Variants in ANGPT1 observed in about 807,000 individuals in gnomAD.
ANGPT1 encodes angiopoietin 1, also known as angiopoietin-1.
ANGPT1 carries 17 observed loss-of-function variants against 62.2 expected under a neutral mutation model. The ratio of observed to expected loss-of-function variants is 0.27; its 90% CI spans 0.19 to 0.41. The LOEUF (loss-of-function observed/expected upper bound fraction) is 0.41. Ranked by LOEUF, ANGPT1 falls within the 10% of genes least tolerant of loss-of-function variation. The pLI, the probability that ANGPT1 is intolerant of heterozygous loss-of-function variation, is 1.00. For synonymous variants in ANGPT1, 199 were observed against 198.9 expected (o/e 1.00, Z 0.00); for missense variants, 478 against 594.9 (o/e 0.80, Z 2.04).
intron 1 of ANGPT1, among the ~76,000 whole-genome samples, chr8:107,435,607 A>G (rs1346593175): frequency 6.6e-6 from 1 of 152,194 alleles, no homozygotes; most frequent in African/African-American, 2.4e-5. Flanking sequence ...TAATTTTCTT[A>G]CTCCTACAGA....
At chr8:107,425,511 G>T (rs1046457839) in intron 1 of ANGPT1, among the ~76,000 whole-genome samples, 3 of 152,004 alleles carry the variant, frequency 2.0e-5, no homozygotes, top group African/African-American at 7.3e-5. Flanking sequence ...CTATCTTCCC[G>T]GCATGCTTAT....
rs1007139473 is a variant in ANGPT1, at chr8:107,374,988, T to C, written c.298-27891A>G. Among the ~76,000 whole-genome samples the C allele has an allele frequency of 2.0e-4, 30 of 152,034 alleles. 1 individual carries two copies. Among genetic ancestry groups the C allele is most frequent in the Non-Finnish European group, 4.4e-5 (3 of 67,998 alleles). On this transcript the variant is annotated intron_variant, in intron 1 of 8. Transcript: ENST00000517746. ...CAGCCTGGCCAACATGGTGAAACCC[T>C]GTCTCTACTAAAAATACAAAAATCA...
chr8:107,338,548 TAGTA>T (rs1815624656), intron 2 of ANGPT1, among the ~76,000 whole-genome samples: 1 of 152,210 alleles, frequency 6.6e-6, no homozygotes, highest in Non-Finnish European at 1.5e-5. Flanking sequence ...ATACAGTCAT[TAGTA>T]AGGATCTGAA....
intron 4 of ANGPT1, 61 bp downstream of exon 4, chr8:107,321,835 T>C: frequency 6.9e-6 from 10 of 1,439,928 alleles, no homozygotes; most frequent in South Asian, 1.2e-5. Flanking sequence ...CTATATTGAG[T>C]ATTTACTTGA....
At chr8:107,453,001 A>G (rs764090766) in intron 1 of ANGPT1, among the ~76,000 whole-genome samples, 1 of 152,064 alleles carries the variant, frequency 6.6e-6, no homozygotes, top group Non-Finnish European at 1.5e-5. Context: ...GCACGGGGAA[A>G]ATTCACTATA....
At chr8:107,313,444 T>TG (rs1814930272) in intron 4 of ANGPT1, among the ~76,000 whole-genome samples, 1 of 128,318 alleles carries the variant, frequency 7.8e-6, no homozygotes, top group Non-Finnish European at 1.6e-5. Flanking sequence ...TTTTTTTTTT[T>TG]TTTTTTTTTT....
intron 5 of ANGPT1, among the ~76,000 whole-genome samples, chr8:107,302,475 T>C (rs1329229938): frequency 1.3e-5 from 2 of 151,932 alleles, no homozygotes; most frequent in African/African-American, 4.8e-5. Context: ...CTATACTTAT[T>C]GACAGCATTT....
At chr8:107,274,727 G>C (rs1377542090) in intron 7 of ANGPT1, among the ~76,000 whole-genome samples, 1 of 152,094 alleles carries the variant, frequency 6.6e-6, no homozygotes, top group Non-Finnish European at 1.5e-5. Flanking sequence ...TCTAGATCAA[G>C]AATTGCCATG....
At chr8:107,372,857 G>T (rs962067529) in intron 1 of ANGPT1, among the ~76,000 whole-genome samples, 3 of 151,390 alleles carry the variant, frequency 2.0e-5, no homozygotes, top group African/African-American at 7.3e-5. Context: ...AGACGTGAGC[G>T]TGACTAGAGT....
chr8:107,369,039 G>A (rs1816328274), intron 1 of ANGPT1, among the ~76,000 whole-genome samples: 1 of 152,142 alleles, frequency 6.6e-6, no homozygotes, highest in Admixed American at 6.6e-5. Context: ...GACTTTTGCT[G>A]TCTAGTTACA....
Position 107,321,916 on chromosome 8 carries a change from T to G in ANGPT1, c.788A>C (p.Asn263Thr). Reference protein sequence around the residue: ...ELMDTVHNLVNLCTKEGVLLK... With the variant: ...ELMDTVHNLVTLCTKEGVLLK... ...CTTACCACCTTCTTTAGTGCAAAGA[T>G]TGACAAGGTTGTGGACTGTGTCCAT... The change falls in exon 4 of 9, where the codon AAT (asparagine) becomes ACT (threonine). Residue 263 changes from asparagine (N) to threonine (T), a missense_variant. This residue lies in a region of ANGPT1 where 343 missense variants were observed against 355.4 expected (regional missense o/e 0.97). Transcript: ENST00000517746. 1 of 1,613,816 alleles carries G rather than the reference T, an allele frequency of 6.2e-7. No homozygotes were observed.
intron 1 of ANGPT1, among the ~76,000 whole-genome samples, chr8:107,383,081 T>C (rs1418654515): frequency 6.6e-6 from 1 of 152,190 alleles, no homozygotes; most frequent in Non-Finnish European, 1.5e-5. Context: ...AAGTCTACAC[T>C]GTACAGAAAC....
At chr8:107,476,906 C>T (rs1174073143) in intron 1 of ANGPT1, among the ~76,000 whole-genome samples, 1 of 152,072 alleles carries the variant, frequency 6.6e-6, no homozygotes, top group Non-Finnish European at 1.5e-5. Flanking sequence ...TCAACCTTTT[C>T]CCTAGTTCTC....
intron 1 of ANGPT1, among the ~76,000 whole-genome samples, chr8:107,389,957 T>C (rs56204419): frequency 7.8e-4 from 59 of 75,954 alleles, no homozygotes; most frequent in African/African-American, 5.0e-3. Context: ...AAAATCATGC[T>C]GCAGTAAGCT....
intron 1 of ANGPT1, among the ~76,000 whole-genome samples, chr8:107,432,846 G>C (rs948323975): frequency 4.6e-5 from 7 of 152,124 alleles, no homozygotes; most frequent in African/African-American, 1.7e-4. Context: ...GACAATGTCA[G>C]AGAATTGTCC....
At chr8:107,370,170 G>GAGTAAGA (rs879643106) in intron 1 of ANGPT1, among the ~76,000 whole-genome samples, 30,281 of 98,112 alleles carry the variant, frequency 0.31, 5,746 homozygotes, top group Admixed American at 0.41. Flanking sequence ...GAAAGAAAGA[G>GAGTAAGA]AGAAAGAAGA....
chr8:107,384,196 T>A (rs1816691226), intron 1 of ANGPT1, among the ~76,000 whole-genome samples: 1 of 152,106 alleles, frequency 6.6e-6, no homozygotes, highest in Non-Finnish European at 1.5e-5. Flanking sequence ...TTACCTCTCA[T>A]TAGAGTTGTC....
At chr8:107,400,042 T>C (rs1817014495) in intron 1 of ANGPT1, among the ~76,000 whole-genome samples, 2 of 152,182 alleles carry the variant, frequency 1.3e-5, no homozygotes, top group Non-Finnish European at 2.9e-5. Context: ...TGGGACTTTT[T>C]CTTAACATGT....
chr8:107,474,786 AATG>A (rs1335900269), intron 1 of ANGPT1, among the ~76,000 whole-genome samples: 6 of 152,170 alleles, frequency 3.9e-5, no homozygotes, highest in African/African-American at 1.4e-4. Context: ...CTTATACACC[AATG>A]GTAGACAAAC....
Sources: allele counts gnomAD v4.1 joint callset (sites outside exome capture counted in the v4.1 genomes callset), GRCh38; gene constraint gnomAD v4.1.1; regional missense constraint gnomAD v4.1.1; transcripts MANE v1.5; gene names NCBI Gene and HGNC (gene_info 2026-07-23, HGNC 2026-07-21).